The following ITSN1 variants were observed in gnomAD, a reference collection of about 807,000 sequenced individuals.
ITSN1 encodes intersectin 1.
ITSN1 carries 58 observed loss-of-function variants against 239.8 expected under a neutral mutation model. The ratio of observed to expected loss-of-function variants is 0.24; its 90% CI spans 0.20 to 0.30. ITSN1 has a LOEUF of 0.30. ITSN1 is among the 10% of genes least tolerant of loss of function. The pLI, the probability that ITSN1 is intolerant of heterozygous loss-of-function variation, is 1.00. For missense variants in ITSN1, 1,558 were observed against 2,103.3 expected (o/e 0.74, Z 5.07); for synonymous variants, 780 against 770.8 (o/e 1.01, Z -0.20).
At chr21:33,868,667 G>A (rs142998490) in intron 33 of ITSN1, among the ~76,000 whole-genome samples, 9,743 of 152,250 alleles carry the variant, frequency 0.064, 406 homozygotes, top group East Asian at 0.077. Flanking sequence ...CGCAAGCGCC[G>A]CACGCAGCCC....
At chr21:33,756,027 G>C (rs1242557738) in intron 8 of ITSN1, among the ~76,000 whole-genome samples, 3 of 152,058 alleles carry the variant, frequency 2.0e-5, no homozygotes, top group Non-Finnish European at 4.4e-5. Flanking sequence ...AAGAAGGCTG[G>C]GTGCAGTGGC....
At chr21:33,708,913 C>CT (rs1033875668) in intron 1 of ITSN1, among the ~76,000 whole-genome samples, 1 of 152,122 alleles carries the variant, frequency 6.6e-6, no homozygotes, top group East Asian at 1.9e-4. Context: ...TGTTGAAAGA[C>CT]TTTTTTCCTC....
At chr21:33,689,877 A>G (rs1329261799) in intron 1 of ITSN1, among the ~76,000 whole-genome samples, 1 of 151,708 alleles carries the variant, frequency 6.6e-6, no homozygotes, top group Non-Finnish European at 1.5e-5. Context: ...CTGAGGCAGG[A>G]GAATCGCTTG....
intron 16 of ITSN1, among the ~76,000 whole-genome samples, chr21:33,793,996 C>G (rs2071344881): frequency 6.6e-6 from 1 of 152,174 alleles, no homozygotes; most frequent in African/African-American, 2.4e-5. Flanking sequence ...AAGTTTTATT[C>G]ATGATCATCG....
At chr21:33,774,632 C>A in intron 12 of ITSN1, 97 bp from the exon 13 acceptor site, 1 of 1,091,258 alleles carries the variant, frequency 9.2e-7, no homozygotes, top group Non-Finnish European at 1.3e-6. Context: ...ATATTTCATC[C>A]CTAAAAGGAA....
chr21:33,829,976 C>G (rs1367615241), intron 27 of ITSN1, among the ~76,000 whole-genome samples: 1 of 152,200 alleles, frequency 6.6e-6, no homozygotes, highest in Non-Finnish European at 1.5e-5. Context: ...CTTTCCCATT[C>G]CTGAATTCAG....
rs536915351 is a variant in ITSN1 at position 33,876,169 on chromosome 21, C to T, written c.4341+648C>T. ...TCTTTCTTTCTCTCTCTCCCTCTTT[C>T]TTTCTTTCCTTCCTTCCTTCTCTCT... is the stretch of plus-strand genomic sequence containing the variant. On this transcript the variant is annotated intron_variant, in intron 34 of 39. Transcript: ENST00000381318. Among the ~76,000 whole-genome samples, 67 of 137,548 alleles carry T rather than the reference C, an allele frequency of 4.9e-4. 1 individual carries two copies. The highest frequency in any genetic ancestry group is 1.2e-4 in the Non-Finnish European group (8 of 65,348). The allele number at this position is 137,548 out of a possible 152,430, so 90.2% of individuals were successfully genotyped here.
intron 38 of ITSN1, among the ~76,000 whole-genome samples, chr21:33,885,789 A>G (rs1305894969): frequency 6.6e-6 from 1 of 152,218 alleles, no homozygotes; most frequent in African/African-American, 2.4e-5. Context: ...ACGAGACAGG[A>G]AGGGCCTAGT....
intron 5 of ITSN1, among the ~76,000 whole-genome samples, chr21:33,738,503 G>A (rs1244850525): frequency 1.3e-5 from 2 of 152,030 alleles, no homozygotes; most frequent in Non-Finnish European, 2.9e-5. Context: ...TCGAGTTCAA[G>A]CAATTCTCCT....
intron 1 of ITSN1, among the ~76,000 whole-genome samples, chr21:33,668,091 C>T (rs761210996): frequency 1.3e-5 from 2 of 152,212 alleles, no homozygotes; most frequent in Non-Finnish European, 2.9e-5. Context: ...AATAGGACCT[C>T]TTCCCCTTCT....
chr21:33,814,853 G>A (rs531107558), intron 22 of ITSN1, among the ~76,000 whole-genome samples: 1 of 152,266 alleles, frequency 6.6e-6, no homozygotes, highest in African/African-American at 2.4e-5. Context: ...CTGAGTTCAT[G>A]TTCACCAAGT....
At chr21:33,841,429 C>G (rs868573144) in intron 29 of ITSN1, among the ~76,000 whole-genome samples, 1 of 152,154 alleles carries the variant, frequency 6.6e-6, no homozygotes, top group Non-Finnish European at 1.5e-5. Flanking sequence ...TGAAATCAAC[C>G]GGTGACTATA....
At chr21:33,730,001 A>G (rs1212160579) in intron 4 of ITSN1, among the ~76,000 whole-genome samples, 4 of 152,240 alleles carry the variant, frequency 2.6e-5, no homozygotes, top group Non-Finnish European at 5.9e-5. Flanking sequence ...CATATAAAGT[A>G]CTATGTGAAG....
chr21:33,749,806 T>C (rs1170022944), intron 5 of ITSN1, among the ~76,000 whole-genome samples: 1 of 152,188 alleles, frequency 6.6e-6, no homozygotes, highest in Non-Finnish European at 1.5e-5. Context: ...ATTGCCTTAG[T>C]GTCCTCCTTT....
chr21:33,785,764 C>A (rs1391570166), intron 16 of ITSN1, among the ~76,000 whole-genome samples: 1 of 152,126 alleles, frequency 6.6e-6, no homozygotes, highest in Admixed American at 6.5e-5. Context: ...TAAGTTTCTA[C>A]CTAATCCATG....
At chr21:33,803,634 C>T (rs1429327640) in intron 20 of ITSN1, among the ~76,000 whole-genome samples, 1 of 152,128 alleles carries the variant, frequency 6.6e-6, no homozygotes, top group Non-Finnish European at 1.5e-5. Flanking sequence ...ATATATCAAA[C>T]TGTTAACAAT....
intron 29 of ITSN1, among the ~76,000 whole-genome samples, chr21:33,849,508 G>C (rs147144224): frequency 6.7e-6 from 1 of 149,442 alleles, no homozygotes; most frequent in East Asian, 2.0e-4. Flanking sequence ...GGAAACTGCA[G>C]TGAGCCAAGA....
intron 1 of ITSN1, among the ~76,000 whole-genome samples, chr21:33,650,221 G>A (rs771575992): frequency 3.3e-5 from 5 of 152,112 alleles, no homozygotes; most frequent in Admixed American, 2.6e-4. Context: ...AATCGTTCTG[G>A]TGTCTGGTGG....
chr21:33,649,769 C>T (rs1310384806), intron 1 of ITSN1, among the ~76,000 whole-genome samples: 1 of 152,114 alleles, frequency 6.6e-6, no homozygotes, highest in Non-Finnish European at 1.5e-5. Context: ...GTAATCCCAG[C>T]ACTTTGAGAG....
Sources: gnomAD v4.1 joint callset for allele counts (sites outside exome capture counted in the v4.1 genomes callset) on GRCh38, gnomAD v4.1.1 for gene constraint, MANE v1.5 for transcripts, NCBI Gene and HGNC (gene_info 2026-07-23, HGNC 2026-07-21) for gene names.